SPAG1: variants seen among roughly 807,000 people sequenced by gnomAD.
SPAG1 encodes sperm-associated antigen 1.
Under a neutral mutation model 100.5 loss-of-function variants are expected in SPAG1, and 69 were observed. The observed-to-expected ratio is 0.69, with a 90% CI of 0.57 to 0.84. The LOEUF (loss-of-function observed/expected upper bound fraction) is 0.84. Ranked by LOEUF, SPAG1 falls within the 40% of genes least tolerant of loss-of-function variation. The pLI, the probability that SPAG1 is intolerant of heterozygous loss-of-function variation, is 0.00. For synonymous variants in SPAG1, 336 were observed against 411.6 expected (o/e 0.82, Z 2.22); for missense variants, 955 against 1,133.1 (o/e 0.84, Z 2.26).
In SPAG1 at chr8:100,213,074, A is replaced by G; in HGVS notation, c.1097-16A>G. On this transcript the variant is annotated splice_polypyrimidine_tract_variant and intron_variant, in intron 10 of 18. Transcript: ENST00000388798. ...GGTGATGCAAACCCTCACTTCCCGC[A>G]TCCACTTCCTCACAGAGCCCGCGGA... 1 of 1,449,034 alleles carries G rather than the reference A, an allele frequency of 6.9e-7. No homozygotes were observed. Among genetic ancestry groups the G allele is most frequent in the Non-Finnish European group, 9.0e-7 (1 of 1,107,600 alleles). 89.8% of individuals were successfully genotyped at this position (1,449,034 alleles called of 1,614,324 possible). A position where few individuals can be genotyped will look rare whatever the true frequency, so the allele number is the denominator to read the frequency against.
chr8:100,167,900 G>A (rs762927536), intron 3 of SPAG1, among the ~76,000 whole-genome samples: 9 of 152,172 alleles, frequency 5.9e-5, no homozygotes, highest in Non-Finnish European at 1.2e-4. Flanking sequence ...GCATATAAAT[G>A]TAATCATACA....
intron 3 of SPAG1, among the ~76,000 whole-genome samples, chr8:100,169,939 A>G (rs754924608): frequency 4.6e-5 from 7 of 152,024 alleles, no homozygotes; most frequent in Non-Finnish European, 7.4e-5. Context: ...CTTGATTACA[A>G]TAGTTTTACA....
Position 100,168,284 on chromosome 8 carries a change from G to A in SPAG1, c.300+2311G>A, listed in dbSNP as rs150354393. The stretch of plus-strand genomic sequence containing the variant: ...GTATCTCATTGTGGTTTTAATTTGC[G>A]TATCTCTAGTGACTAATGATATTGA... On this transcript the variant is annotated intron_variant, in intron 3 of 18. Coordinates refer to ENST00000388798, the MANE Select transcript of SPAG1 (RefSeq NM_003114.5). Among the ~76,000 whole-genome samples the A allele has an allele frequency of 4.7e-4, 72 of 152,126 alleles. No individual in the cohort carries two copies. The Middle Eastern group carries it at 0.014, about 29-fold the overall frequency.
In SPAG1 at chr8:100,240,509, A is replaced by G. The variant is rs759608124; in HGVS notation, c.2387A>G (p.Glu796Gly). ...AGCAGCAGGTCACCAGAAGACCCTG[A>G]GAAACTTCCGATAGCCAAGCCTAAT... is the stretch of plus-strand genomic sequence containing the variant. ...GKSSRSPEDP[E>G]KLPIAKPNNA... Residue 796 changes from glutamate (E) to glycine (G), a missense_variant, in exon 18 of 19, where the codon GAG (glutamate) becomes GGG (glycine). By Grantham distance (98) the Glu-to-Gly change is moderately conservative. Coordinates refer to ENST00000388798, the MANE Select transcript of SPAG1 (RefSeq NM_003114.5). 3 of 1,614,208 alleles carry G rather than the reference A, an allele frequency of 1.9e-6. No individual in the cohort carries two copies. The highest frequency in any genetic ancestry group is 2.2e-5 in the East Asian group (1 of 44,890).
intron 14 of SPAG1, among the ~76,000 whole-genome samples, chr8:100,226,810 CATAAAT>C (rs1389019957): frequency 2.6e-5 from 4 of 152,126 alleles, no homozygotes; most frequent in East Asian, 1.9e-4. Context: ...AGCCCCACAA[CATAAAT>C]ATAATCATGT....
intron 10 of SPAG1, among the ~76,000 whole-genome samples, chr8:100,201,565 A>G (rs1261255629): frequency 1.3e-5 from 2 of 152,184 alleles, no homozygotes; most frequent in Non-Finnish European, 2.9e-5. Context: ...ATCCATATAT[A>G]TATGTTTTTT....
chr8:100,182,971 CTTTAT>C (rs1318468770), intron 4 of SPAG1, among the ~76,000 whole-genome samples: 1 of 151,732 alleles, frequency 6.6e-6, no homozygotes, highest in Non-Finnish European at 1.5e-5. Context: ...ATTTGTATAT[CTTTAT>C]TTTATTTTTA....
intron 12 of SPAG1, among the ~76,000 whole-genome samples, chr8:100,217,659 T>C (rs1818065875): frequency 6.6e-6 from 1 of 152,228 alleles, no homozygotes; most frequent in Non-Finnish European, 1.5e-5. Flanking sequence ...TTCTCATCTA[T>C]CAGAACCTTT....
chr8:100,164,158 C>T (rs191319688), intron 2 of SPAG1, among the ~76,000 whole-genome samples: 338 of 152,202 alleles, frequency 2.2e-3, no homozygotes, highest in Non-Finnish European at 3.6e-3. Flanking sequence ...TGTTTATCTG[C>T]CATTTTCTTC....
chr8:100,174,324 C>G (rs576568622), intron 3 of SPAG1, among the ~76,000 whole-genome samples: 21 of 152,084 alleles, frequency 1.4e-4, no homozygotes, highest in Non-Finnish European at 2.4e-4. Flanking sequence ...TATATATTTA[C>G]AATGTATTAA....
At position 100,183,555 on chromosome 8, in the gene SPAG1, C is replaced by T. The variant is rs1035262307; in HGVS notation, c.488+119C>T. On this transcript the variant is annotated intron_variant, in intron 5 of 18. Transcript: ENST00000388798. Reference sequence around the variant, plus strand: ...TTAACATGTCAAGAATACCAAATTACTTCAATAGAGTACTGAGAATATCTG... The same window carrying T: ...TTAACATGTCAAGAATACCAAATTATTTCAATAGAGTACTGAGAATATCTG... 2.6e-5 allele frequency: 14 copies of T among 540,914 alleles called. No individual in the cohort carries two copies. The Admixed American group carries it at 4.2e-4, about 16-fold the overall frequency. The allele number at this position is 540,914 out of a possible 1,614,324, so 33.5% of individuals were successfully genotyped here.
intron 12 of SPAG1, among the ~76,000 whole-genome samples, chr8:100,217,092 G>A (rs1022875073): frequency 2.6e-5 from 4 of 151,584 alleles, no homozygotes; most frequent in Non-Finnish European, 4.4e-5. Context: ...ACTCACCACC[G>A]CACCTGGCTA....
intron 3 of SPAG1, among the ~76,000 whole-genome samples, chr8:100,167,292 T>C (rs540900619): frequency 2.6e-5 from 4 of 152,356 alleles, no homozygotes; most frequent in African/African-American, 9.6e-5. Flanking sequence ...GGGCATACTT[T>C]CCAAGACCCC....
intron 16 of SPAG1, among the ~76,000 whole-genome samples, chr8:100,235,757 A>C (rs944117052): frequency 6.6e-6 from 1 of 151,300 alleles, no homozygotes; most frequent in African/African-American, 2.4e-5. Context: ...TCCCGCCAGG[A>C]CCCCCGTGCT....
intron 8 of SPAG1, among the ~76,000 whole-genome samples, chr8:100,190,940 G>A (rs1816792300): frequency 6.6e-6 from 1 of 152,030 alleles, no homozygotes; most frequent in Non-Finnish European, 1.5e-5. Flanking sequence ...AAATTGTTGG[G>A]ATTACAGGTG....
At chr8:100,159,566 G>A (rs1165088789) in intron 1 of SPAG1, among the ~76,000 whole-genome samples, 2 of 152,132 alleles carry the variant, frequency 1.3e-5, no homozygotes, top group South Asian at 2.1e-4. Flanking sequence ...AGTACAGTGG[G>A]TTTTCTTTAA....
intron 16 of SPAG1, among the ~76,000 whole-genome samples, chr8:100,237,472 C>T (rs1819057896): frequency 6.6e-6 from 1 of 152,212 alleles, no homozygotes; most frequent in Non-Finnish European, 1.5e-5. Flanking sequence ...GTATCCATCT[C>T]AACCTTTAGT....
intron 10 of SPAG1, among the ~76,000 whole-genome samples, chr8:100,204,148 G>A (rs1176580400): frequency 6.6e-6 from 1 of 152,106 alleles, no homozygotes; most frequent in Non-Finnish European, 1.5e-5. Context: ...TGCACTGCCT[G>A]ACGCAACAGT....
At chr8:100,158,465 A>G (rs549505222), upstream of SPAG1, 1 of 152,232 alleles carries the variant, frequency 6.6e-6, no homozygotes, top group African/African-American at 2.4e-5. Context: ...GCGCCGCTGT[A>G]CATAGAAACC....
Sources: gnomAD v4.1 joint callset for allele counts (sites outside exome capture counted in the v4.1 genomes callset) on GRCh38, gnomAD v4.1.1 for gene constraint, MANE v1.5 for transcripts, NCBI Gene and HGNC (gene_info 2026-07-23, HGNC 2026-07-21) for gene names.